SGK1: variants seen among roughly 807,000 people sequenced by gnomAD.
The protein encoded by SGK1 is serum/glucocorticoid regulated kinase 1.
A neutral mutation model predicts 64.2 loss-of-function variants in SGK1; 26 were observed. The observed-to-expected ratio is 0.40, with a 90% CI of 0.30 to 0.56. SGK1 has a LOEUF of 0.56. Ranked by LOEUF, SGK1 falls within the 20% of genes least tolerant of loss-of-function variation. The pLI, the probability that SGK1 is intolerant of heterozygous loss-of-function variation, is 0.38. For missense variants in SGK1, 519 were observed against 645.6 expected, an observed-to-expected ratio of 0.80 and a Z score of 2.12; for synonymous variants, 265 against 239.7, an observed-to-expected ratio of 1.11 and a Z score of -0.98.
chr6:134,259,867 C>T (rs1355338360), intron 2 of SGK1: 1 of 152,124 alleles, frequency 6.6e-6, no homozygotes, highest in Admixed American at 6.6e-5. Context: ...AGCAAATGCA[C>T]CATGACAAAT....
rs1301824075 is a variant in SGK1 at position 134,170,894 on chromosome 6, A to C, written c.1345T>G (p.Phe449Val). 4 of 1,612,170 alleles carry C rather than the reference A, an allele frequency of 2.5e-6. No homozygotes were observed. Among genetic ancestry groups the C allele is most frequent in the South Asian group, 2.2e-5 (2 of 90,978 alleles). ...TCATCCCAGTTAATTAAGGAGAAGA[A>C]GACATGACTCTTAATCTCCATCTGT... ...DDFMEIKSHVFFSLINWDDLI... is the reference protein window; with the variant it reads ...DDFMEIKSHVVFSLINWDDLI... The change falls in exon 13 of 14, where the codon TTC becomes GTC. Residue 449 changes from phenylalanine (F) to valine (V), a missense_variant. Physicochemically the swap from Phe to Val is conservative, Grantham distance 50. Around this residue, in one of 2 missense-constraint regions of SGK1, gnomAD observed 278 missense variants for 408.7 expected, o/e 0.68. Coordinates refer to ENST00000367858, the MANE Select transcript of SGK1 (RefSeq NM_001143676.3).
In SGK1 at chr6:134,170,546, A is replaced by C. The variant is rs546100795; in HGVS notation, c.1414-111T>G. 1.2e-4 allele frequency: 123 copies of C among 1,003,518 alleles called. 1 individual carries two copies. Among genetic ancestry groups the C allele is most frequent in the Admixed American group, 1.0e-3 (41 of 39,996 alleles). The allele number at this position is 1,003,518 out of a possible 1,614,324, so 62.2% of individuals were successfully genotyped here. On this transcript the variant is annotated intron_variant, in intron 13 of 13. Coordinates refer to ENST00000367858, the MANE Select transcript of SGK1 (RefSeq NM_001143676.3). ...GTTTAAGTCTTATATCAACTTCCAT[A>C]ATCACCCACTTCAAGCACAAAATCT...
chr6:134,265,617 T>C (rs1040124068), intron 1 of SGK1, among the ~76,000 whole-genome samples: 1 of 132,946 alleles, frequency 7.5e-6, no homozygotes, highest in Admixed American at 8.0e-5. Flanking sequence ...TTTATATATA[T>C]ACATATATAT....
At chr6:134,182,731 G>A (rs1000363935) in intron 3 of SGK1, among the ~76,000 whole-genome samples, 9 of 152,204 alleles carry the variant, frequency 5.9e-5, no homozygotes, top group Non-Finnish European at 1.0e-4. Context: ...GGGCCAAGGC[G>A]AGGCCTATGT....
At chr6:134,198,163 G>A (rs1775625615) in intron 3 of SGK1, among the ~76,000 whole-genome samples, 1 of 152,076 alleles carries the variant, frequency 6.6e-6, no homozygotes, top group African/African-American at 2.4e-5. Flanking sequence ...TGAGACTTTG[G>A]AATTCTTCAC....
At chr6:134,282,701 C>T (rs1014284964) in intron 1 of SGK1, among the ~76,000 whole-genome samples, 3 of 151,380 alleles carry the variant, frequency 2.0e-5, no homozygotes, top group African/African-American at 7.3e-5. Flanking sequence ...TTTGGGTGGT[C>T]CTTATCTAAT....
intron 3 of SGK1, among the ~76,000 whole-genome samples, chr6:134,198,726 ATTTTTTT>A (rs1178699258): frequency 0.028 from 2,900 of 101,802 alleles, 85 homozygotes; most frequent in African/African-American, 0.1. Flanking sequence ...CTCTTTTTCT[ATTTTTTT>A]TTTTTTTTTT....
chr6:134,169,841 CA>C lies in SGK1; in HGVS notation c.*426del, dbSNP rs945809868. ...CACGACGGTTCACACAGCATATCCA[CA>C]AGGGAAAATAAAGAACTGAAACACT... On this transcript the variant is annotated 3_prime_UTR_variant, in exon 14 of 14. Coordinates refer to ENST00000367858, the MANE Select transcript of SGK1 (RefSeq NM_001143676.3). The C allele has an allele frequency of 1.3e-5, 2 of 154,140 alleles. No homozygotes were observed. The highest frequency in any genetic ancestry group is 4.8e-5 in the African/African-American group (2 of 41,486). The allele number at this position is 154,140 out of a possible 1,614,324, so 9.5% of individuals were successfully genotyped here.
chr6:134,302,857 C>T (rs902227560), intron 1 of SGK1, among the ~76,000 whole-genome samples: 3 of 151,910 alleles, frequency 2.0e-5, no homozygotes, highest in African/African-American at 7.2e-5. Context: ...CGGGTTCAAG[C>T]AATTCTCCTG....
intron 10 of SGK1, 69 bp downstream of exon 10, chr6:134,172,124 G>A: frequency 3.2e-6 from 5 of 1,558,478 alleles, no homozygotes; most frequent in Non-Finnish European, 4.4e-6. Context: ...TGGTAGTTAA[G>A]TGCATGATTG....
chr6:134,232,473 A>AGGAAAGAAAG (rs1776303511), intron 2 of SGK1, among the ~76,000 whole-genome samples: 3 of 96,106 alleles, frequency 3.1e-5, no homozygotes, highest in African/African-American at 5.2e-5. Flanking sequence ...GAAAGAAAGA[A>AGGAAAGAAAG]AGAAAGAAAG....
intron 3 of SGK1, among the ~76,000 whole-genome samples, chr6:134,184,273 C>T (rs1310040291): frequency 1.3e-5 from 2 of 151,710 alleles, no homozygotes; most frequent in Admixed American, 1.3e-4. Flanking sequence ...CTGAGGCGGG[C>T]AGATCACGAG....
At chr6:134,189,223 T>TGTGTGTGC (rs751805559) in intron 3 of SGK1, among the ~76,000 whole-genome samples, 141 of 149,818 alleles carry the variant, frequency 9.4e-4, no homozygotes, top group African/African-American at 3.4e-3. Context: ...TGTGTGTGTG[T>TGTGTGTGC]GTGTGCGTGT....
At chr6:134,208,855 CATGT>C (rs1195708851) in intron 2 of SGK1, among the ~76,000 whole-genome samples, 6 of 147,272 alleles carry the variant, frequency 4.1e-5, no homozygotes, top group African/African-American at 7.4e-5. Flanking sequence ...CATACGCATA[CATGT>C]ATGTGTATAT....
intron 3 of SGK1, chr6:134,175,519 C>A: frequency 6.8e-7 from 1 of 1,466,908 alleles, no homozygotes; most frequent in Non-Finnish European, 9.1e-7. Context: ...GCCAAGCCCC[C>A]AGCGGGGCCG....
rs1186105019 is a variant in SGK1, at chr6:134,317,644, C to G, written c.-184G>C. On this transcript the variant is annotated 5_prime_UTR_variant, in exon 1 of 14. Coordinates refer to ENST00000367858, the MANE Select transcript of SGK1 (RefSeq NM_001143676.3). ...ACCAGCTACTGCAGCAACCTCTCCCCACTTTCAGTTGCCACCGACAGCGGC... is the reference window on the plus strand; with the variant it reads ...ACCAGCTACTGCAGCAACCTCTCCCGACTTTCAGTTGCCACCGACAGCGGC... The G allele has an allele frequency of 1.6e-6, 1 of 607,676 alleles. No homozygotes were observed. The highest frequency in any genetic ancestry group is 1.8e-5 in the African/African-American group (1 of 54,086). The allele number at this position is 607,676 out of a possible 1,614,324, so 37.6% of individuals were successfully genotyped here.
intron 2 of SGK1, among the ~76,000 whole-genome samples, chr6:134,220,058 CAAAAAAAAAAAAAAAAA>C (rs55870107): frequency 1.1e-4 from 7 of 61,350 alleles, no homozygotes; most frequent in Admixed American, 5.6e-4. Context: ...GACTCCGTCT[CAAAAAAAAAAAAAAAAA>C]AAAAAAAAAA....
At chr6:134,214,104 A>G (rs1369924201) in intron 2 of SGK1, among the ~76,000 whole-genome samples, 1 of 149,284 alleles carries the variant, frequency 6.7e-6, no homozygotes, top group African/African-American at 2.5e-5. Context: ...TTTTTTTTGT[A>G]GAGACGGGGT....
chr6:134,262,115 C>T lies in SGK1; in HGVS notation c.103G>A (p.Val35Met). 1 of 1,602,928 alleles carries T rather than the reference C, an allele frequency of 6.2e-7. No homozygotes were observed. Among genetic ancestry groups the T allele is most frequent in the Non-Finnish European group, 8.5e-7 (1 of 1,171,904 alleles). ...RRWIKSPMVS[V>M]DKHQSPSLKY... is the part of the protein sequence containing the mutation. The stretch of plus-strand genomic sequence containing the variant: ...AGGCTGGGACTCTGATGCTTGTCCA[C>T]ACTGACCATTGGGCTCTTGATCCAC... The change falls in exon 2 of 14, where the codon GTG becomes ATG. Residue 35 changes from valine (V) to methionine (M), a missense_variant. Physicochemically the swap from Val to Met is conservative, Grantham distance 21. Transcript: ENST00000367858.
Sources: allele counts gnomAD v4.1 joint callset (sites outside exome capture counted in the v4.1 genomes callset), GRCh38; gene constraint gnomAD v4.1.1; regional missense constraint gnomAD v4.1.1; transcripts MANE v1.5; gene names NCBI Gene and HGNC (gene_info 2026-07-23, HGNC 2026-07-21).